Variants in STXBP5L observed in about 807,000 individuals in gnomAD.
STXBP5L encodes syntaxin binding protein 5L, also known as syntaxin-binding protein 5-like.
Under a neutral mutation model 144.5 loss-of-function variants are expected in STXBP5L, and 65 were observed. The ratio of observed to expected loss-of-function variants is 0.45; its 90% confidence interval spans 0.37 to 0.55. The LOEUF is 0.55. Among genes scored for constraint, STXBP5L ranks in the 20% least tolerant of loss-of-function variants. The probability of loss-of-function intolerance (pLI) is 0.00; values close to 1 mark genes in which losing one functional copy is unlikely to be tolerated. For synonymous variants in STXBP5L, 505 were observed against 469.6 expected, an observed-to-expected ratio of 1.08 and a Z score of -0.97; for missense variants, 1,298 against 1,405.5, an observed-to-expected ratio of 0.92 and a Z score of 1.22.
chr3:121,203,026 C>G lies in STXBP5L; in HGVS notation c.878-2897C>G, dbSNP rs913584859. ...GTATATTCTTGTGATTAACAGTATTCCATATTTCTTTGAGATTGTTCATAC... is the reference window on the plus strand; with the variant it reads ...GTATATTCTTGTGATTAACAGTATTGCATATTTCTTTGAGATTGTTCATAC... On this transcript the variant is annotated intron_variant, in intron 9 of 26. Coordinates refer to ENST00000471454, the MANE Select transcript of STXBP5L (RefSeq NM_001308330.2). Among the ~76,000 whole-genome samples the G allele has an allele frequency of 4.0e-5, 6 of 151,378 alleles. No homozygotes were observed. The South Asian group carries it at 1.3e-3, about 32-fold the overall frequency.
chr3:121,420,182 T>C lies in STXBP5L; in HGVS notation c.*1085T>C, dbSNP rs990298577. ...GATTCAGTAAAATCTCAGTTAATGT[T>C]TTGGGAAAGGGATTCTGATTTATGA... On this transcript the variant is annotated 3_prime_UTR_variant, in exon 27 of 27. Transcript: ENST00000471454. 4 of 152,258 alleles carry C rather than the reference T, an allele frequency of 2.6e-5. No individual in the cohort carries two copies. Among genetic ancestry groups the C allele is most frequent in the Admixed American group, 1.3e-4 (2 of 15,286 alleles). The allele number at this position is 152,258 out of a possible 1,614,324, so 9.4% of individuals were successfully genotyped here.
At chr3:120,921,210 A>G (rs1043209897) in intron 2 of STXBP5L, among the ~76,000 whole-genome samples, 1 of 151,928 alleles carries the variant, frequency 6.6e-6, no homozygotes, top group Non-Finnish European at 1.5e-5. Flanking sequence ...TTTGATTTGC[A>G]TTTCTCTGAT....
chr3:121,330,579 GA>G (rs1175469256), intron 20 of STXBP5L, among the ~76,000 whole-genome samples: 1 of 152,026 alleles, frequency 6.6e-6, no homozygotes, highest in Non-Finnish European at 1.5e-5. Context: ...TAACACTTGA[GA>G]CATCAGAGTA....
At chr3:121,399,045 A>AG (rs2046805903) in intron 22 of STXBP5L, among the ~76,000 whole-genome samples, 1 of 152,084 alleles carries the variant, frequency 6.6e-6, no homozygotes. Flanking sequence ...AATAATAATG[A>AG]GGGGGTGCAG....
intron 5 of STXBP5L, among the ~76,000 whole-genome samples, chr3:121,061,793 C>G (rs985256238): frequency 1.3e-5 from 2 of 152,106 alleles, no homozygotes; most frequent in Admixed American, 6.5e-5. Flanking sequence ...ATTGCAACCC[C>G]TGCTTTATTT....
chr3:120,956,106 A>G (rs1017347752), intron 3 of STXBP5L, among the ~76,000 whole-genome samples: 3 of 151,986 alleles, frequency 2.0e-5, no homozygotes, highest in Admixed American at 6.6e-5. Flanking sequence ...TCATCTGTGT[A>G]CATATTTTTG....
chr3:121,300,944 C>A (rs2051872979), intron 19 of STXBP5L, among the ~76,000 whole-genome samples: 1 of 152,158 alleles, frequency 6.6e-6, no homozygotes, highest in Non-Finnish European at 1.5e-5. Context: ...AGGTTGATTA[C>A]TGTAGCCTTG....
At chr3:121,077,826 C>T (rs1056132840) in intron 5 of STXBP5L, among the ~76,000 whole-genome samples, 6 of 152,108 alleles carry the variant, frequency 3.9e-5, no homozygotes, top group East Asian at 3.9e-4. Flanking sequence ...GATAGAGTGT[C>T]GATTGGTGCA....
At chr3:120,943,488 A>G (rs1202402196) in intron 2 of STXBP5L, among the ~76,000 whole-genome samples, 2 of 123,890 alleles carry the variant, frequency 1.6e-5, no homozygotes, top group African/African-American at 3.5e-5. Flanking sequence ...AGTAACTAAT[A>G]AGAGTATGAG....
intron 24 of STXBP5L, among the ~76,000 whole-genome samples, chr3:121,414,790 TG>T (rs2047195003): frequency 6.6e-6 from 1 of 152,192 alleles, no homozygotes; most frequent in Non-Finnish European, 1.5e-5. Context: ...CCAAGGGCAG[TG>T]GTCATTAAAA....
intron 5 of STXBP5L, among the ~76,000 whole-genome samples, chr3:121,068,912 A>T (rs1290630443): frequency 6.6e-6 from 1 of 152,026 alleles, no homozygotes; most frequent in Non-Finnish European, 1.5e-5. Context: ...TTTTTATTTC[A>T]TAATAGTTGC....
intron 19 of STXBP5L, among the ~76,000 whole-genome samples, chr3:121,300,783 T>C (rs1215427345): frequency 1.3e-5 from 2 of 151,800 alleles, no homozygotes; most frequent in Non-Finnish European, 2.9e-5. Context: ...ATGATAGACA[T>C]AAACTTAACC....
intron 5 of STXBP5L, among the ~76,000 whole-genome samples, chr3:121,078,518 G>T (rs1019313549): frequency 6.6e-6 from 1 of 152,248 alleles, no homozygotes; most frequent in Non-Finnish European, 1.5e-5. Flanking sequence ...TGCCAGTCCC[G>T]TGCCATGCGC....
intron 2 of STXBP5L, among the ~76,000 whole-genome samples, chr3:120,935,265 A>G (rs1156820791): frequency 2.0e-5 from 3 of 151,846 alleles, no homozygotes; most frequent in Non-Finnish European, 2.9e-5. Flanking sequence ...TGAGCCATGC[A>G]AGTTCCCTTA....
At chr3:120,977,799 T>A (rs1057426696) in intron 3 of STXBP5L, among the ~76,000 whole-genome samples, 4 of 152,194 alleles carry the variant, frequency 2.6e-5, no homozygotes, top group Non-Finnish European at 5.9e-5. Flanking sequence ...CTCCTTCATT[T>A]ATGAAGCTTA....
At chr3:121,050,982 AAAAG>A (rs1164315482) in intron 5 of STXBP5L, among the ~76,000 whole-genome samples, 1 of 152,000 alleles carries the variant, frequency 6.6e-6, no homozygotes, top group East Asian at 1.9e-4. Flanking sequence ...TCAAAAGAGA[AAAAG>A]AAGGCCATTA....
At chr3:121,001,710 T>C (rs1559980499) in intron 3 of STXBP5L, among the ~76,000 whole-genome samples, 1 of 152,226 alleles carries the variant, frequency 6.6e-6, no homozygotes, top group Non-Finnish European at 1.5e-5. Flanking sequence ...CCTAGTGCTC[T>C]GCAACCCTGT....
chr3:121,007,177 T>G (rs780715542), intron 3 of STXBP5L, among the ~76,000 whole-genome samples: 3 of 152,126 alleles, frequency 2.0e-5, no homozygotes, highest in Non-Finnish European at 4.4e-5. Context: ...TCTACTTGTA[T>G]GTTAAACTAC....
intron 5 of STXBP5L, among the ~76,000 whole-genome samples, chr3:121,090,220 G>T (rs1474026421): frequency 6.6e-6 from 1 of 151,982 alleles, no homozygotes; most frequent in African/African-American, 2.4e-5. Context: ...CATTGGTCTG[G>T]CAGGGGAAGG....
Sources: allele counts gnomAD v4.1 joint callset (sites outside exome capture counted in the v4.1 genomes callset), GRCh38; gene constraint gnomAD v4.1.1; transcripts MANE v1.5; gene names NCBI Gene and HGNC (gene_info 2026-07-23, HGNC 2026-07-21).